GPR137B: variants seen among roughly 807,000 people sequenced by gnomAD.
GPR137B encodes integral membrane protein GPR137B.
A neutral mutation model predicts 42.5 loss-of-function variants in GPR137B; 42 were observed. The ratio of observed to expected loss-of-function variants is 0.99; its 90% CI spans 0.77 to 1.28. The LOEUF (loss-of-function observed/expected upper bound fraction) is 1.28, where lower values mean the gene tolerates loss of function less well. GPR137B is among the 50% of genes most tolerant of loss of function. The pLI is 0.00. For synonymous variants in GPR137B, 218 were observed against 209.7 expected (o/e 1.04, Z -0.34); for missense variants, 487 against 493.9 (o/e 0.99, Z 0.13).
intron 5 of GPR137B, among the ~76,000 whole-genome samples, chr1:236,187,823 G>A (rs1357988388): frequency 2.6e-5 from 4 of 152,076 alleles, no homozygotes; most frequent in Non-Finnish European, 5.9e-5. Flanking sequence ...GCCCTTCTTT[G>A]GTTCCATATG....
At position 236,142,618 on chromosome 1, in the gene GPR137B, C is replaced by A. The variant is rs1279004292; in HGVS notation, c.-5C>A. The A allele has an allele frequency of 2.2e-6, 3 of 1,371,874 alleles. No individual in the cohort carries two copies. In the African/African-American group the frequency reaches 4.6e-5, roughly 21 times the overall value. 85.0% of individuals were successfully genotyped at this position (1,371,874 alleles called of 1,614,324 possible). A position where few individuals can be genotyped will look rare whatever the true frequency, so the allele number is the denominator to read the frequency against. On this transcript the variant is annotated 5_prime_UTR_variant, in exon 1 of 7. Coordinates refer to ENST00000366592, the MANE Select transcript of GPR137B (RefSeq NM_003272.4). Reference sequence around the variant, plus strand: ...CCGCGGGGGCGGCGGCGGCCGTGAGCCCCGATGAGGCCCGAGCGTCCCCGG... The same window carrying A: ...CCGCGGGGGCGGCGGCGGCCGTGAGACCCGATGAGGCCCGAGCGTCCCCGG...
intron 1 of GPR137B, among the ~76,000 whole-genome samples, chr1:236,159,650 C>T (rs558330621): frequency 1.4e-4 from 21 of 151,998 alleles, no homozygotes; most frequent in African/African-American, 4.1e-4. Flanking sequence ...AATAGGCAAG[C>T]GGGAGTTCAA....
At chr1:236,207,193 A>G (rs1663688799) in intron 6 of GPR137B, 2 of 985,064 alleles carry the variant, frequency 2.0e-6, no homozygotes, top group Non-Finnish European at 2.4e-6. Flanking sequence ...CGGGGAGCAG[A>G]GAAATCCTGG....
intron 1 of GPR137B, among the ~76,000 whole-genome samples, chr1:236,158,250 C>T (rs1571967882): frequency 6.6e-6 from 1 of 152,118 alleles, no homozygotes; most frequent in East Asian, 1.9e-4. Flanking sequence ...ATGGTGAAAC[C>T]CCTGTCTCTA....
rs1050641936 is a variant in GPR137B, at chr1:236,150,192, T to C, written c.414+7156T>C. The stretch of plus-strand genomic sequence containing the variant: ...GTGCCCGTTTGTGTTTGTGTGTGTC[T>C]GTGTGCCTGTGTGTGTGTCTGTGCC... On this transcript the variant is annotated intron_variant, in intron 1 of 6. Coordinates refer to ENST00000366592, the MANE Select transcript of GPR137B (RefSeq NM_003272.4). The surrounding 1 kb of genome is among the most constrained non-coding windows in gnomAD (Gnocchi z 6.2). 6.7e-6 allele frequency among the ~76,000 whole-genome samples: 1 copy of C among 150,224 alleles called. No homozygotes were observed. Among genetic ancestry groups the C allele is most frequent in the Non-Finnish European group, 1.5e-5 (1 of 67,544 alleles).
rs1558483770 is a variant in GPR137B, at chr1:236,166,492, A to AT, written c.415-2214_415-2213insT. Among the ~76,000 whole-genome samples, 271 of 127,086 alleles carry AT rather than the reference A, an allele frequency of 2.1e-3. 2 individuals are homozygous for AT. Among genetic ancestry groups the AT allele is most frequent in the African/African-American group, 0.012 (255 of 21,862 alleles). The allele number at this position is 127,086 out of a possible 152,430, so 83.4% of individuals were successfully genotyped here. On this transcript the variant is annotated intron_variant, in intron 1 of 6. Coordinates refer to ENST00000366592, the MANE Select transcript of GPR137B (RefSeq NM_003272.4). ...ATATACATTATATATATTTATATATACATATATATATTTATATATATACAT... is the reference window on the plus strand; with the variant it reads ...ATATACATTATATATATTTATATATATCATATATATATTTATATATATACAT...
At chr1:236,198,831 G>A (rs533607554) in intron 5 of GPR137B, among the ~76,000 whole-genome samples, 1 of 152,124 alleles carries the variant, frequency 6.6e-6, no homozygotes, top group Non-Finnish European at 1.5e-5. Flanking sequence ...CTAGGTATGC[G>A]ATTATGTCAT....
intron 1 of GPR137B, among the ~76,000 whole-genome samples, chr1:236,143,480 A>G (rs1661593816): frequency 1.3e-5 from 2 of 152,200 alleles, no homozygotes; most frequent in African/African-American, 4.8e-5. Flanking sequence ...TGGCCTCCAG[A>G]TTTGGGCCTG....
chr1:236,168,830 G>C, intron 2 of GPR137B, 75 bp downstream of exon 2: 7 of 1,081,186 alleles, frequency 6.5e-6, no homozygotes, highest in Non-Finnish European at 8.7e-6. Flanking sequence ...TCTCCATTGG[G>C]GTTTGCACAC....
At chr1:236,179,109 T>C (rs1470510700) in intron 3 of GPR137B, among the ~76,000 whole-genome samples, 1 of 151,652 alleles carries the variant, frequency 6.6e-6, no homozygotes, top group African/African-American at 2.4e-5. Context: ...CTCAAGGCTT[T>C]TAACAACAGA....
At chr1:236,196,978 C>T (rs59164978) in intron 5 of GPR137B, among the ~76,000 whole-genome samples, 25,816 of 152,038 alleles carry the variant, frequency 0.17, 2,550 homozygotes, top group African/African-American at 0.25. Context: ...GGGTAGATAC[C>T]CAGTAAGTGG....
At chr1:236,167,477 GTACA>G (rs1308508526) in intron 1 of GPR137B, among the ~76,000 whole-genome samples, 4 of 137,252 alleles carry the variant, frequency 2.9e-5, no homozygotes, top group African/African-American at 1.5e-4. Context: ...GAAACAGAGA[GTACA>G]GTGGTACAGT....
intron 5 of GPR137B, among the ~76,000 whole-genome samples, chr1:236,199,351 T>C (rs750439987): frequency 6.6e-6 from 1 of 152,090 alleles, no homozygotes; most frequent in Non-Finnish European, 1.5e-5. Context: ...GGGATAAACA[T>C]AGTTTTGCTA....
At chr1:236,144,422 GAACA>G (rs1379683205) in intron 1 of GPR137B, among the ~76,000 whole-genome samples, 18 of 151,872 alleles carry the variant, frequency 1.2e-4, no homozygotes, top group African/African-American at 3.1e-4. Flanking sequence ...AAAAACAAAC[GAACA>G]AACAAACAAA....
In GPR137B at chr1:236,160,014, G is replaced by A. The variant is rs76489655; in HGVS notation, c.415-8692G>A. On this transcript the variant is annotated intron_variant, in intron 1 of 6. Transcript: ENST00000366592. ...TCAAAAAGCCAGCATCACCCACAGC[G>A]TCATCCCCAGATCTATTCTAGGTTC... 5.4e-3 allele frequency among the ~76,000 whole-genome samples: 821 copies of A among 152,288 alleles called. 8 individuals are homozygous for A. Among genetic ancestry groups the A allele is most frequent in the African/African-American group, 0.019 (777 of 41,560 alleles).
At position 236,150,603 on chromosome 1, in the gene GPR137B, C is replaced by G. The variant is rs1232088146; in HGVS notation, c.414+7567C>G. Reference sequence around the variant, plus strand: ...CCTCACAGCACATTCAGCATCCAACCCCAGTGACCATGCAGGAAGCCTGGA... The same window carrying G: ...CCTCACAGCACATTCAGCATCCAACGCCAGTGACCATGCAGGAAGCCTGGA... On this transcript the variant is annotated intron_variant, in intron 1 of 6. Coordinates refer to ENST00000366592, the MANE Select transcript of GPR137B (RefSeq NM_003272.4). The surrounding 1 kb of genome is among the most constrained non-coding windows in gnomAD (Gnocchi z 6.2). Among the ~76,000 whole-genome samples the G allele has an allele frequency of 6.6e-6, 1 of 152,202 alleles. No homozygotes were observed. Among genetic ancestry groups the G allele is most frequent in the Non-Finnish European group, 1.5e-5 (1 of 68,042 alleles).
chr1:236,161,372 T>C (rs1007770479), intron 1 of GPR137B, among the ~76,000 whole-genome samples: 3 of 151,484 alleles, frequency 2.0e-5, no homozygotes, highest in Admixed American at 2.0e-4. Flanking sequence ...CCTCACCCCC[T>C]CCCTCACTGC....
chr1:236,207,415 G>GTTGC (rs2102929470), intron 6 of GPR137B: 2 of 296,820 alleles, frequency 6.7e-6, no homozygotes, highest in African/African-American at 4.5e-5. Flanking sequence ...TCTCCTATTA[G>GTTGC]TTGCTTTCCC....
At chr1:236,168,885 G>T in intron 2 of GPR137B, 130 bp downstream of exon 2, 1 of 730,522 alleles carries the variant, frequency 1.4e-6, no homozygotes, top group Non-Finnish European at 2.5e-6. Flanking sequence ...CCTGCTGGCT[G>T]GCTGCCCACA....
Sources: gnomAD v4.1 joint callset for allele counts (sites outside exome capture counted in the v4.1 genomes callset) on GRCh38, gnomAD v4.1.1 for gene constraint, Gnocchi (gnomAD v3.1) non-coding constraint, MANE v1.5 for transcripts, NCBI Gene and HGNC (gene_info 2026-07-23, HGNC 2026-07-21) for gene names.